DTNA: variants seen among roughly 807,000 people sequenced by gnomAD.
DTNA encodes the protein dystrophin-related protein 3.
A neutral mutation model predicts 100.7 loss-of-function variants in DTNA; 43 were observed. The ratio of observed to expected loss-of-function variants is 0.43; its 90% CI spans 0.33 to 0.55. The LOEUF (loss-of-function observed/expected upper bound fraction) is 0.55. Among genes scored for constraint, DTNA ranks in the 20% least tolerant of loss-of-function variants. The probability of loss-of-function intolerance (pLI) is 0.04; values close to 1 mark genes in which losing one functional copy is unlikely to be tolerated. For missense variants in DTNA, 798 were observed against 953.9 expected (o/e 0.84, Z 2.15); for synonymous variants, 349 against 347.9 (o/e 1.00, Z -0.04).
intron 3 of DTNA, among the ~76,000 whole-genome samples, chr18:34,793,256 G>A (rs888355346): frequency 3.3e-5 from 5 of 152,182 alleles, no homozygotes; most frequent in African/African-American, 9.7e-5. Context: ...TATCTTGGTC[G>A]TGATCATGGT....
chr18:34,544,831 T>G (rs1470701562), intron 1 of DTNA, among the ~76,000 whole-genome samples: 2 of 151,806 alleles, frequency 1.3e-5, no homozygotes, highest in Non-Finnish European at 2.9e-5. Context: ...GCCTGGAGAC[T>G]TGCAATGGGT....
intron 1 of DTNA, among the ~76,000 whole-genome samples, chr18:34,510,108 TG>T (rs201838915): frequency 6.6e-6 from 1 of 150,610 alleles, no homozygotes; most frequent in African/African-American, 2.4e-5. Flanking sequence ...TTTTGGTTGT[TG>T]TTGTTTTTTT....
At chr18:34,585,555 G>A (rs2049043339) in intron 1 of DTNA, among the ~76,000 whole-genome samples, 1 of 152,164 alleles carries the variant, frequency 6.6e-6, no homozygotes, top group Admixed American at 6.5e-5. Flanking sequence ...AAGCATGTGT[G>A]TGCTCATGTG....
intron 3 of DTNA, among the ~76,000 whole-genome samples, chr18:34,793,811 A>G (rs1192073816): frequency 6.6e-6 from 1 of 152,238 alleles, no homozygotes; most frequent in Non-Finnish European, 1.5e-5. Flanking sequence ...AAGATTGGAA[A>G]TAACTATCTA....
intron 3 of DTNA, among the ~76,000 whole-genome samples, chr18:34,793,020 A>G: frequency 6.6e-6 from 1 of 152,210 alleles, no homozygotes; most frequent in East Asian, 1.9e-4. Context: ...ACTCAGCAAT[A>G]AAAAAGAGAA....
chr18:34,745,619 T>C (rs1181566453), intron 1 of DTNA, among the ~76,000 whole-genome samples: 1 of 152,176 alleles, frequency 6.6e-6, no homozygotes, highest in African/African-American at 2.4e-5. Context: ...CACTGTCTTC[T>C]CCCACCTTCA....
intron 1 of DTNA, among the ~76,000 whole-genome samples, chr18:34,585,499 T>C (rs2049038022): frequency 2.0e-5 from 3 of 152,190 alleles, no homozygotes. Context: ...ATTAGTAGTT[T>C]ATCTAAGATT....
intron 1 of DTNA, among the ~76,000 whole-genome samples, chr18:34,502,387 T>C (rs1415472330): frequency 1.3e-5 from 2 of 152,196 alleles, no homozygotes; most frequent in Non-Finnish European, 2.9e-5. Flanking sequence ...ATTGTTATTT[T>C]CTCCTACTTT....
intron 1 of DTNA, among the ~76,000 whole-genome samples, chr18:34,541,665 G>C (rs1325211782): frequency 2.0e-5 from 3 of 151,990 alleles, no homozygotes; most frequent in Non-Finnish European, 4.4e-5. Context: ...AGCAGTGTGA[G>C]AACAGACTAA....
At chr18:34,815,397 T>C (rs1343882233) in intron 6 of DTNA, among the ~76,000 whole-genome samples, 1 of 152,174 alleles carries the variant, frequency 6.6e-6, no homozygotes, top group Non-Finnish European at 1.5e-5. Flanking sequence ...ATGTAGATGG[T>C]TCTGTCCTAA....
intron 1 of DTNA, chr18:34,493,877 C>A (rs1269032124): frequency 6.8e-6 from 1 of 147,628 alleles, no homozygotes; most frequent in East Asian, 2.0e-4. Context: ...CGGCGCCGGC[C>A]GCGGCTAGCG....
At chr18:34,879,326 A>G (rs530244646) in intron 19 of DTNA, among the ~76,000 whole-genome samples, 1 of 152,344 alleles carries the variant, frequency 6.6e-6, no homozygotes, top group South Asian at 2.1e-4. Flanking sequence ...AAAATTCCTC[A>G]TAACATTTCT....
chr18:34,568,892 A>G (rs1220620712), intron 1 of DTNA, among the ~76,000 whole-genome samples: 2 of 152,224 alleles, frequency 1.3e-5, no homozygotes, highest in African/African-American at 4.8e-5. Flanking sequence ...CTGGGATTAC[A>G]GACATGAGCC....
intron 1 of DTNA, among the ~76,000 whole-genome samples, chr18:34,701,585 G>T (rs73946144): frequency 0.013 from 2,034 of 152,132 alleles, 36 homozygotes; most frequent in African/African-American, 0.043. Flanking sequence ...TATTTTCAGA[G>T]CTTCAGGTTA....
At chr18:34,741,874 G>A (rs2090715263) in intron 1 of DTNA, among the ~76,000 whole-genome samples, 1 of 152,118 alleles carries the variant, frequency 6.6e-6, no homozygotes, top group African/African-American at 2.4e-5. Context: ...GAGGCTACAA[G>A]TTGGACCAAA....
At chr18:34,505,462 G>T (rs1002393476) in intron 1 of DTNA, among the ~76,000 whole-genome samples, 1 of 152,022 alleles carries the variant, frequency 6.6e-6, no homozygotes, top group African/African-American at 2.4e-5. Context: ...GAATATCTTT[G>T]GGAGCCATTA....
At chr18:34,579,493 A>G (rs1222987254) in intron 1 of DTNA, among the ~76,000 whole-genome samples, 1 of 152,152 alleles carries the variant, frequency 6.6e-6, no homozygotes, top group East Asian at 1.9e-4. Flanking sequence ...AAAAATAAAC[A>G]CTCTCAACCT....
rs775282251 is a variant in DTNA, at chr18:34,794,267, T to C, written c.362+17T>C. On this transcript the variant is annotated intron_variant, in intron 4 of 22. Transcript: ENST00000444659. ...GTTTGATCCGTAAGCACCCTCTGAA[T>C]GTCTGTTCCTCTCTACATGTTTGGC... 9.9e-6 allele frequency: 16 copies of C among 1,613,894 alleles called. No homozygotes were observed. Among genetic ancestry groups the C allele is most frequent in the Non-Finnish European group, 1.3e-5 (15 of 1,179,786 alleles).
chr18:34,849,331 G>A (rs1053225848), intron 14 of DTNA, among the ~76,000 whole-genome samples: 2 of 152,076 alleles, frequency 1.3e-5, no homozygotes, highest in African/African-American at 4.8e-5. Context: ...GCAAAACAAG[G>A]TTTTTGGAAA....
Sources: allele counts gnomAD v4.1 joint callset (sites outside exome capture counted in the v4.1 genomes callset), GRCh38; gene constraint gnomAD v4.1.1; transcripts MANE v1.5; gene names NCBI Gene and HGNC (gene_info 2026-07-23, HGNC 2026-07-21).